The following CCDC125 variants were observed in gnomAD, a reference collection of about 807,000 sequenced individuals.
CCDC125 encodes coiled-coil domain-containing protein 125.
In CCDC125, 43 loss-of-function variants were observed where a neutral mutation model predicts 57.4. The ratio of observed to expected loss-of-function variants is 0.75; its 90% CI spans 0.59 to 0.97. The LOEUF (loss-of-function observed/expected upper bound fraction) is 0.97. Ranked by LOEUF, CCDC125 falls within the 50% of genes least tolerant of loss-of-function variation. The pLI, the probability that CCDC125 is intolerant of heterozygous loss-of-function variation, is 0.00. For missense variants in CCDC125, 563 were observed against 595.7 expected, an observed-to-expected ratio of 0.95 and a Z score of 0.57; for synonymous variants, 187 against 195.2, an observed-to-expected ratio of 0.96 and a Z score of 0.35.
At chr5:69,275,803 A>G (rs1262603245), downstream of CCDC125, among the ~76,000 whole-genome samples, 3 of 152,148 alleles carry the variant, frequency 2.0e-5, no homozygotes, top group Non-Finnish European at 2.9e-5. Flanking sequence ...GCAAGACCCC[A>G]TTCTCCACAA....
At chr5:69,296,924 A>G (rs10045526) in intron 8 of CCDC125, among the ~76,000 whole-genome samples, 45,361 of 151,766 alleles carry the variant, frequency 0.3, 8,250 homozygotes, top group Non-Finnish European at 0.41. Flanking sequence ...AGATTGCACC[A>G]TTGTACTCCA....
At chr5:69,311,464 A>G (rs1400110131) in intron 3 of CCDC125, among the ~76,000 whole-genome samples, 1 of 152,218 alleles carries the variant, frequency 6.6e-6, no homozygotes, top group East Asian at 1.9e-4. Context: ...CAGCCTGGCT[A>G]ACATGGTGAA....
Position 69,303,923 on chromosome 5 carries a change from G to T in CCDC125, c.624C>A (p.Asn208Lys). The change falls in exon 7 of 12, where the codon AAC becomes AAA. Residue 208 changes from asparagine (N) to lysine (K), a missense_variant. Physicochemically the swap from Asn to Lys is moderately conservative, Grantham distance 94. Coordinates refer to ENST00000396496, the MANE Select transcript of CCDC125 (RefSeq NM_176816.5). The stretch of plus-strand genomic sequence containing the variant: ...TCTCTTTGAGGACTGCATTTTCACA[G>T]TTTAGCCTGGAAAAAAGTGGCTTTC... ...ESWIQKYDRL[N>K]CENAVLKENL... The T allele has an allele frequency of 6.3e-7, 1 of 1,580,050 alleles. No homozygotes were observed.
rs373547679 is a variant in CCDC125, at chr5:69,282,986, T to G, written c.1279A>C (p.Met427Leu). The G allele has an allele frequency of 6.2e-7, 1 of 1,607,462 alleles. No homozygotes were observed. The highest frequency in any genetic ancestry group is 1.3e-5 in the African/African-American group (1 of 74,454). Residue 427 changes from methionine (M) to leucine (L), a missense_variant, in exon 12 of 12, where the codon ATG becomes CTG. Physicochemically the swap from Met to Leu is conservative, Grantham distance 15. Coordinates refer to ENST00000396496, the MANE Select transcript of CCDC125 (RefSeq NM_176816.5). ...ALAHQRKVSY[M>L]LARALEDKDT... is the part of the protein sequence containing the mutation. ...TTGTCTTCCAATGCCCGAGCAAGCA[T>G]GTAGCTAACTTTTCTTTGATGAGCC...
In CCDC125 at chr5:69,300,045, A is replaced by G; in HGVS notation, c.783T>C (p.Asp261=). The G allele has an allele frequency of 1.2e-6, 2 of 1,614,212 alleles. No homozygotes were observed. Among genetic ancestry groups the G allele is most frequent in the Non-Finnish European group, 1.7e-6 (2 of 1,180,034 alleles). ...QKMAQENMCC[D]KSGFAEASGL... ...CTGAAGCCTCTGCAAAGCCACTTTT[A>G]TCACAGCACATGTTTTCCTGAGCCA... Residue 261 remains aspartate (D), a synonymous_variant, in exon 8 of 12, where the codon GAT becomes GAC. Transcript: ENST00000396496.
At chr5:69,276,638 A>T, downstream of CCDC125, 1 of 1,614,188 alleles carries the variant, frequency 6.2e-7, no homozygotes. Context: ...TAAAGGAGCA[A>T]TCAAATCCAG....
Position 69,282,578 on chromosome 5 carries a change from A to G in CCDC125, c.*151T>C. On this transcript the variant is annotated 3_prime_UTR_variant, in exon 12 of 12. Coordinates refer to ENST00000396496, the MANE Select transcript of CCDC125 (RefSeq NM_176816.5). Reference sequence around the variant, plus strand: ...TCCATCTCAAAAGAAGAAAAAGAAAATGTAGAAAATATTTGATTTAAGTGA... The same window carrying G: ...TCCATCTCAAAAGAAGAAAAAGAAAGTGTAGAAAATATTTGATTTAAGTGA... 1.6e-6 allele frequency: 1 copy of G among 632,576 alleles called. No homozygotes were observed. The highest frequency in any genetic ancestry group is 2.6e-6 in the Non-Finnish European group (1 of 381,900). The allele number at this position is 632,576 out of a possible 1,614,324, so 39.2% of individuals were successfully genotyped here. A position where few individuals can be genotyped will look rare whatever the true frequency, so the allele number is the denominator to read the frequency against.
intron 7 of CCDC125, among the ~76,000 whole-genome samples, chr5:69,302,194 G>A (rs1008292337): frequency 6.6e-6 from 1 of 151,852 alleles, no homozygotes; most frequent in Admixed American, 6.6e-5. Context: ...GGCCAAGGTG[G>A]GTGGATCATT....
At chr5:69,312,431 G>T (rs977049161) in intron 3 of CCDC125, among the ~76,000 whole-genome samples, 1 of 152,168 alleles carries the variant, frequency 6.6e-6, no homozygotes, top group Non-Finnish European at 1.5e-5. Flanking sequence ...CACGGGAAGA[G>T]TCCCAAACAC....
Position 69,304,449 on chromosome 5 carries a change from G to A in CCDC125, c.618-520C>T, listed in dbSNP as rs544194370. On this transcript the variant is annotated intron_variant, in intron 6 of 11. Coordinates refer to ENST00000396496, the MANE Select transcript of CCDC125 (RefSeq NM_176816.5). ...TTTTTTTTTTTTTTCTTTTTGAGAC[G>A]GAGTCTTGCTCTGTTACCTAGGCTG... Among the ~76,000 whole-genome samples the A allele has an allele frequency of 5.5e-4, 78 of 141,438 alleles. 1 individual carries two copies. The highest frequency in any genetic ancestry group is 8.8e-4 in the Non-Finnish European group (58 of 66,040). The allele number at this position is 141,438 out of a possible 152,430, so 92.8% of individuals were successfully genotyped here.
At chr5:69,279,456 A>G (rs1752366621), downstream of CCDC125, among the ~76,000 whole-genome samples, 1 of 152,180 alleles carries the variant, frequency 6.6e-6, no homozygotes, top group Non-Finnish European at 1.5e-5. Context: ...TTGGCCTCCC[A>G]AAGTGCTGGG....
At chr5:69,314,105 T>G in intron 2 of CCDC125, 59 bp from the exon 3 acceptor site, 1 of 1,138,966 alleles carries the variant, frequency 8.8e-7, no homozygotes, top group Non-Finnish European at 1.3e-6. Context: ...TTTAACTAAT[T>G]AAACATAGGA....
intron 10 of CCDC125, among the ~76,000 whole-genome samples, chr5:69,288,374 A>T (rs1436249433): frequency 2.0e-5 from 3 of 152,108 alleles, no homozygotes; most frequent in Non-Finnish European, 4.4e-5. Context: ...GGTTGAGTTG[A>T]TTACCAATGG....
chr5:69,287,013 A>C (rs1753609326), intron 10 of CCDC125, among the ~76,000 whole-genome samples: 2 of 143,414 alleles, frequency 1.4e-5, no homozygotes, highest in East Asian at 2.1e-4. Flanking sequence ...AAAAAAAAAA[A>C]CCCAAAAGCA....
intron 8 of CCDC125, among the ~76,000 whole-genome samples, chr5:69,295,886 CTT>C (rs35947616): frequency 7.8e-5 from 11 of 140,732 alleles, no homozygotes; most frequent in Non-Finnish European, 1.2e-4. Flanking sequence ...ACACTGACTT[CTT>C]TTTTTTTTTT....
chr5:69,332,370 A>T (rs1194060998), intron 1 of CCDC125, among the ~76,000 whole-genome samples: 1 of 152,112 alleles, frequency 6.6e-6, no homozygotes, highest in East Asian at 1.9e-4. Flanking sequence ...TATTTTTTCC[A>T]CTAATGTCTT....
intron 7 of CCDC125, among the ~76,000 whole-genome samples, chr5:69,302,006 CCA>C (rs1368040019): frequency 6.6e-6 from 1 of 150,396 alleles, no homozygotes; most frequent in East Asian, 2.0e-4. Flanking sequence ...TCTCTTGAGC[CCA>C]GAAAGTGGAG....
At chr5:69,289,519 A>G (rs1490723915) in intron 10 of CCDC125, among the ~76,000 whole-genome samples, 1 of 152,222 alleles carries the variant, frequency 6.6e-6, no homozygotes, top group Non-Finnish European at 1.5e-5. Context: ...TGAAGAGTTT[A>G]TTATAGAAAA....
At chr5:69,324,786 G>A (rs1319496128) in intron 1 of CCDC125, among the ~76,000 whole-genome samples, 1 of 152,192 alleles carries the variant, frequency 6.6e-6, no homozygotes, top group Non-Finnish European at 1.5e-5. Flanking sequence ...GCTGAGGTGT[G>A]AGAATCACTT....
Sources: gnomAD v4.1 joint callset for allele counts (sites outside exome capture counted in the v4.1 genomes callset) on GRCh38, gnomAD v4.1.1 for gene constraint, MANE v1.5 for transcripts, NCBI Gene and HGNC (gene_info 2026-07-23, HGNC 2026-07-21) for gene names.